CDHR2: variants seen among roughly 807,000 people sequenced by gnomAD.
CDHR2 encodes cadherin related family member 2.
CDHR2 carries 104 observed loss-of-function variants against 138.6 expected under a neutral mutation model. The ratio of observed to expected loss-of-function variants is 0.75; its 90% CI spans 0.64 to 0.88. CDHR2 has a LOEUF of 0.88. CDHR2 is among the 40% of genes least tolerant of loss of function. CDHR2 has a pLI of 0.00. For missense variants in CDHR2, 1,624 were observed against 1,727.6 expected, an observed-to-expected ratio of 0.94 and a Z score of 1.06; for synonymous variants, 755 against 742.8, an observed-to-expected ratio of 1.02 and a Z score of -0.27.
upstream of CDHR2, among the ~76,000 whole-genome samples, chr5:176,544,485 G>A (rs1263023712): frequency 3.1e-5 from 4 of 129,554 alleles, no homozygotes; most frequent in Middle Eastern, 5.1e-3. Context: ...TGTCGCCCAG[G>A]CTGGAGTGCA....
chr5:176,593,437 CA>C (rs142331901), intron 31 of CDHR2, among the ~76,000 whole-genome samples: 1,956 of 152,318 alleles, frequency 0.013, 39 homozygotes, highest in African/African-American at 0.045. Context: ...AAAAGCCGCT[CA>C]GGGGGTGCTA....
In CDHR2 at chr5:176,573,931, G is replaced by C. The variant is rs113124612; in HGVS notation, c.406-152G>C. 1,737 of 605,250 alleles carry C rather than the reference G, an allele frequency of 2.9e-3. 21 individuals are homozygous for C. The highest frequency in any genetic ancestry group is 0.027 in the African/African-American group (1,447 of 54,176). The allele number at this position is 605,250 out of a possible 1,614,324, so 37.5% of individuals were successfully genotyped here. On this transcript the variant is annotated intron_variant, in intron 6 of 31. Coordinates refer to ENST00000261944, the MANE Select transcript of CDHR2 (RefSeq NM_017675.6). ...CCTCTCTGCCGCCCCGCACCCCCAG[G>C]TGCCTTCCACCCGCAGCCCTGGTGG...
chr5:176,545,126 G>T (rs1262280410), upstream of CDHR2, among the ~76,000 whole-genome samples: 1 of 151,892 alleles, frequency 6.6e-6, no homozygotes, highest in African/African-American at 2.4e-5. Context: ...CTTTTTTTGT[G>T]GGGGGTGGGG....
intron 1 of CDHR2, among the ~76,000 whole-genome samples, chr5:176,562,360 C>T (rs904722902): frequency 3.3e-5 from 5 of 151,506 alleles, no homozygotes; most frequent in African/African-American, 1.2e-4. Flanking sequence ...GGAGGCTGCA[C>T]GGATTGGACG....
chr5:176,591,510 C>T, intron 30 of CDHR2, 26 bp downstream of exon 30: 1 of 1,561,064 alleles, frequency 6.4e-7, no homozygotes, highest in Non-Finnish European at 8.8e-7. Flanking sequence ...CACAGCCAGG[C>T]TAGGTGGTGG....
chr5:176,591,373 G>A (rs1035103983), intron 29 of CDHR2, 31 bp from the exon 30 acceptor site: 2 of 1,611,680 alleles, frequency 1.2e-6, no homozygotes, highest in African/African-American at 2.7e-5. Context: ...GTGGCTGAGG[G>A]CCAGGCAACT....
At chr5:176,593,529 T>C (rs1758940704) in intron 31 of CDHR2, among the ~76,000 whole-genome samples, 1 of 152,198 alleles carries the variant, frequency 6.6e-6, no homozygotes, top group Non-Finnish European at 1.5e-5. Flanking sequence ...GGGGTGGCTC[T>C]CTGGAAACAG....
intron 1 of CDHR2, among the ~76,000 whole-genome samples, chr5:176,559,324 C>G (rs1161526057): frequency 1.3e-5 from 2 of 152,196 alleles, no homozygotes; most frequent in African/African-American, 4.8e-5. Flanking sequence ...TCCATTAACT[C>G]CAGGATTGTT....
Position 176,554,572 on chromosome 5 carries a change from C to A in CDHR2, c.-16+5158C>A, listed in dbSNP as rs565417603. On this transcript the variant is annotated intron_variant, in intron 1 of 31. Coordinates refer to ENST00000261944, the MANE Select transcript of CDHR2 (RefSeq NM_017675.6). ...TGCTCCTTGACTCTGTAAACTCAAG[C>A]CAGGCTCTTCACCTCTCTGAGCTTT... is the stretch of plus-strand genomic sequence containing the variant. 2.8e-4 allele frequency among the ~76,000 whole-genome samples: 43 copies of A among 152,364 alleles called. 1 individual carries two copies. In the South Asian group the frequency reaches 8.7e-3, roughly 31 times the overall value.
chr5:176,574,434 A>G (rs137876213), intron 7 of CDHR2, among the ~76,000 whole-genome samples: 1 of 152,302 alleles, frequency 6.6e-6, no homozygotes, highest in East Asian at 1.9e-4. Context: ...CACAGACAAT[A>G]AGGGGTGTGT....
rs1171897795 is a variant in CDHR2, at chr5:176,565,690, C to T, written c.71C>T (p.Pro24Leu). The change falls in exon 3 of 32, where the codon CCG becomes CTG. Residue 24 changes from proline (P) to leucine (L), a missense_variant. Around this residue, in one of 3 missense-constraint regions of CDHR2, gnomAD observed 1,061 missense variants for 1,136.6 expected, o/e 0.93. Coordinates refer to ENST00000261944, the MANE Select transcript of CDHR2 (RefSeq NM_017675.6). ...CCTACAGTGGCAGCCAACGTGGCCC[C>T]GAAGTTCCTAGCCAACATGACGTCA... ...LVVSVAANVAPKFLANMTSVI... is the reference protein window; with the variant it reads ...LVVSVAANVALKFLANMTSVI... The T allele has an allele frequency of 5.6e-6, 9 of 1,613,768 alleles. No homozygotes were observed. Among genetic ancestry groups the T allele is most frequent in the South Asian group, 1.1e-5 (1 of 91,038 alleles).
chr5:176,543,227 G>A lies in CDHR2; in HGVS notation c.-16+458G>A, dbSNP rs1261379402. Reference sequence around the variant, plus strand: ...CGCGTGCTCGCCGGCCCTGCGCCCGGGGCGCTCGGCGCAGGGTCCGGGCCC... The same window carrying A: ...CGCGTGCTCGCCGGCCCTGCGCCCGAGGCGCTCGGCGCAGGGTCCGGGCCC... On this transcript the variant is annotated intron_variant, in intron 1 of 31. Coordinates refer to the CDHR2 transcript ENST00000510636. This position sits in a 1 kb window ranked among gnomAD's most constrained non-coding sequence, Gnocchi z 4.0. Among the ~76,000 whole-genome samples the A allele has an allele frequency of 4.8e-5, 7 of 147,282 alleles. No homozygotes were observed. The highest frequency in any genetic ancestry group is 1.5e-5 in the Non-Finnish European group (1 of 66,202).
At chr5:176,544,551 T>C (rs1757543729), upstream of CDHR2, among the ~76,000 whole-genome samples, 1 of 152,110 alleles carries the variant, frequency 6.6e-6, no homozygotes, top group Non-Finnish European at 1.5e-5. Context: ...GCGATTCTCC[T>C]GCCTCAGCCT....
rs115183402 is a variant in CDHR2 at position 176,584,909 on chromosome 5, C to T, written c.2628C>T (p.Ile876=). The T allele has an allele frequency of 1.4e-5, 22 of 1,611,922 alleles. No homozygotes were observed. In the East Asian group the frequency reaches 4.7e-4, roughly 34 times the overall value. Reference sequence around the variant, plus strand: ...TGGCGGCCAACGGCTCTGTGTACATCAACCAGAGCAAAGCCATCGACTACG... The same window carrying T: ...TGGCGGCCAACGGCTCTGTGTACATTAACCAGAGCAAAGCCATCGACTACG... The part of the protein sequence containing the change: ...FSVAANGSVY[I]NQSKAIDYEA... The change falls in exon 19 of 32, where the codon ATC becomes ATT. Residue 876 remains isoleucine, a synonymous_variant. Coordinates refer to ENST00000261944, the MANE Select transcript of CDHR2 (RefSeq NM_017675.6).
rs191127416 is a variant in CDHR2 at position 176,576,382 on chromosome 5, C to A, written c.1194+197C>A. Among the ~76,000 whole-genome samples, 57 of 152,122 alleles carry A rather than the reference C, an allele frequency of 3.7e-4. No individual in the cohort carries two copies. Among genetic ancestry groups the A allele is most frequent in the African/African-American group, 1.3e-3 (52 of 41,480 alleles). The stretch of plus-strand genomic sequence containing the variant: ...CATCCTCTGGGCGATCCGTGTGGGG[C>A]TGAATAGAAGGCCATGCTGAGTGGA... On this transcript the variant is annotated intron_variant, in intron 12 of 31. Coordinates refer to ENST00000261944, the MANE Select transcript of CDHR2 (RefSeq NM_017675.6). This position sits in a 1 kb window ranked among gnomAD's most constrained non-coding sequence, Gnocchi z 4.5.
chr5:176,566,257 A>G (rs1758076766), intron 3 of CDHR2, among the ~76,000 whole-genome samples: 2 of 152,246 alleles, frequency 1.3e-5, no homozygotes, highest in African/African-American at 4.8e-5. Flanking sequence ...ATGTCTTTAC[A>G]TGAGATGGAA....
In CDHR2 at chr5:176,571,207, T is replaced by A. The variant is rs6867593; in HGVS notation, c.316-6T>A. 15 of 1,607,328 alleles carry A rather than the reference T, an allele frequency of 9.3e-6. No homozygotes were observed. The highest frequency in any genetic ancestry group is 8.9e-5 in the East Asian group (4 of 44,752). ...TCTGGGGTCCCCTGGGCTTTCTCAC[T>A]TGCAGGTGCAGAGGGAGATGCTGGT... On this transcript the variant is annotated splice_region_variant and splice_polypyrimidine_tract_variant and intron_variant, in intron 5 of 31. Transcript: ENST00000261944.
At chr5:176,558,214 ATTTTTT>A (rs34795456) in intron 1 of CDHR2, among the ~76,000 whole-genome samples, 3 of 132,176 alleles carry the variant, frequency 2.3e-5, no homozygotes, top group African/African-American at 2.8e-5. Flanking sequence ...TTCTTTTCTT[ATTTTTT>A]TTTTTTTTTT....
chr5:176,566,689 A>G (rs1018112850), intron 3 of CDHR2, among the ~76,000 whole-genome samples: 8 of 152,238 alleles, frequency 5.3e-5, no homozygotes, highest in Admixed American at 5.2e-4. Flanking sequence ...GATGGCTCAG[A>G]CGAGAAACCA....
Sources: gnomAD v4.1 joint callset for allele counts (sites outside exome capture counted in the v4.1 genomes callset) on GRCh38, gnomAD v4.1.1 for gene constraint, gnomAD v4.1.1 regional missense constraint, Gnocchi (gnomAD v3.1) non-coding constraint, MANE v1.5 for transcripts, NCBI Gene and HGNC (gene_info 2026-07-23, HGNC 2026-07-21) for gene names.